The following SLC12A2 variants were observed in gnomAD, a reference collection of about 807,000 sequenced individuals.
SLC12A2 encodes the protein Na-K-2Cl cotransporter 1.
In SLC12A2, 67 loss-of-function variants were observed where a neutral mutation model predicts 136.3. That is an observed-to-expected ratio of 0.49 (90% confidence interval 0.40 to 0.60). The LOEUF (loss-of-function observed/expected upper bound fraction) is 0.60. Among genes scored for constraint, SLC12A2 ranks in the 20% least tolerant of loss-of-function variants. The probability of loss-of-function intolerance (pLI) is 0.00; values close to 1 mark genes in which losing one functional copy is unlikely to be tolerated. For synonymous variants in SLC12A2, 619 were observed against 562.9 expected (o/e 1.10, Z -1.41); for missense variants, 1,322 against 1,534.7 (o/e 0.86, Z 2.32).
In SLC12A2 at chr5:128,158,171, A is replaced by G. The variant is rs776041341; in HGVS notation, c.2475+7A>G. The G allele has an allele frequency of 1.9e-6, 3 of 1,588,144 alleles. No individual in the cohort carries two copies. Among genetic ancestry groups the G allele is most frequent in the Non-Finnish European group, 2.6e-6 (3 of 1,167,550 alleles). On this transcript the variant is annotated splice_region_variant and intron_variant, in intron 16 of 26. Transcript: ENST00000262461. ...CTGTGGCCATGTACATATGGTAAGTATCAATTTTGTTTTCTTTTTCAAGTT... is the reference window on the plus strand; with the variant it reads ...CTGTGGCCATGTACATATGGTAAGTGTCAATTTTGTTTTCTTTTTCAAGTT...
Position 128,141,898 on chromosome 5 carries a change from A to G in SLC12A2, c.1690A>G (p.Thr564Ala). The change falls in exon 10 of 27, where the codon ACT becomes GCT. Residue 564 changes from threonine (T) to alanine (A), a missense_variant. Transcript: ENST00000262461. ...TATCGTAACAGAGCTAACAAACTGT[A>G]CTTCTGCAGCCTGCAAATTAAACTT... ...DTIVTELTNCTSAACKLNFDF... is the reference protein window; with the variant it reads ...DTIVTELTNCASAACKLNFDF... The G allele has an allele frequency of 1.9e-6, 3 of 1,614,014 alleles. No homozygotes were observed. The highest frequency in any genetic ancestry group is 2.5e-6 in the Non-Finnish European group (3 of 1,179,914).
At position 128,184,360 on chromosome 5, in the gene SLC12A2, T is replaced by C; in HGVS notation, c.3300-6T>C. 6.7e-7 allele frequency: 1 copy of C among 1,493,712 alleles called. No homozygotes were observed. Among genetic ancestry groups the C allele is most frequent in the South Asian group, 1.3e-5 (1 of 76,658 alleles). The allele number at this position is 1,493,712 out of a possible 1,614,324, so 92.5% of individuals were successfully genotyped here. On this transcript the variant is annotated splice_region_variant and splice_polypyrimidine_tract_variant and intron_variant, in intron 24 of 26. Coordinates refer to ENST00000262461, the MANE Select transcript of SLC12A2 (RefSeq NM_001046.3). ...TAGTTGTCAGTATTCTTTCTGTTTT[T>C]TAAAGTATTATAGCTTTTGAGGAAA...
intron 17 of SLC12A2, among the ~76,000 whole-genome samples, chr5:128,162,803 A>G (rs1341968396): frequency 6.6e-6 from 1 of 152,224 alleles, no homozygotes; most frequent in East Asian, 1.9e-4. Context: ...CTGACCCAAA[A>G]TTAAGTCTGC....
chr5:128,084,534 G>T lies in SLC12A2; in HGVS notation c.580G>T (p.Gly194Trp). Residue 194 changes from glycine (G) to tryptophan (W), a missense_variant, in exon 1 of 27, where the codon GGG becomes TGG. Physicochemically the swap from Gly to Trp is radical, Grantham distance 184 (BLOSUM62 -2). Transcript: ENST00000262461. The surrounding 1 kb of genome is among the most constrained non-coding windows in gnomAD (Gnocchi z 5.6). ...GCACTCCGGCGGCGGCGGCGGCAGT[G>T]GGCACCACCAGCACTACTATTATGA... ...SLHSGGGGGS[G>W]HHQHYYYDTH... 6.2e-7 allele frequency: 1 copy of T among 1,613,608 alleles called. No individual in the cohort carries two copies. The highest frequency in any genetic ancestry group is 8.5e-7 in the Non-Finnish European group (1 of 1,179,978).
chr5:128,141,706 C>G (rs370708474), intron 9 of SLC12A2, 124 bp from the exon 10 acceptor site: 1 of 615,516 alleles, frequency 1.6e-6, no homozygotes, highest in Non-Finnish European at 2.5e-6. Flanking sequence ...GCAATGTATG[C>G]TATTATAAGG....
intron 17 of SLC12A2, among the ~76,000 whole-genome samples, chr5:128,166,707 T>A (rs927480896): frequency 2.6e-4 from 39 of 152,056 alleles, no homozygotes; most frequent in Admixed American, 3.3e-4. Flanking sequence ...TTTGGGGTGA[T>A]GAAAAATGTT....
chr5:128,129,423 T>A (rs902099037), intron 4 of SLC12A2, among the ~76,000 whole-genome samples: 42 of 151,996 alleles, frequency 2.8e-4, no homozygotes, highest in African/African-American at 9.9e-4. Flanking sequence ...GTGGAAAATT[T>A]TAAGTCATTT....
In SLC12A2 at chr5:128,187,801, T is replaced by A. The variant is rs2126764754; in HGVS notation, c.*1170T>A. The A allele has an allele frequency of 6.5e-6, 1 of 152,740 alleles. No individual in the cohort carries two copies. The highest frequency in any genetic ancestry group is 2.4e-5 in the African/African-American group (1 of 41,576). 9.5% of individuals were successfully genotyped at this position (152,740 alleles called of 1,614,324 possible). On this transcript the variant is annotated 3_prime_UTR_variant, in exon 27 of 27. Transcript: ENST00000262461. ...ACTTTTGTTAAGAAAAACTGCCAGT[T>A]TGTGCTTTTGAAATGTCTGTTTTGA...
intron 10 of SLC12A2, among the ~76,000 whole-genome samples, chr5:128,146,031 A>G (rs540135459): frequency 1.3e-5 from 2 of 152,060 alleles, no homozygotes; most frequent in African/African-American, 2.4e-5. Flanking sequence ...TGTTTTGACA[A>G]GTTTCACAGA....
Position 128,084,256 on chromosome 5 carries a change from C to T in SLC12A2, c.302C>T (p.Ala101Val), listed in dbSNP as rs749472667. 7.0e-5 allele frequency: 87 copies of T among 1,238,032 alleles called. No homozygotes were observed. The highest frequency in any genetic ancestry group is 5.6e-4 in the Middle Eastern group (2 of 3,600). 76.7% of individuals were successfully genotyped at this position (1,238,032 alleles called of 1,614,324 possible). The change falls in exon 1 of 27, where the codon GCG becomes GTG. Residue 101 changes from alanine (A) to valine (V), a missense_variant. By Grantham distance (64) the Ala-to-Val change is moderately conservative. Around this residue, in one of 8 missense-constraint regions of SLC12A2, gnomAD observed 358 missense variants for 299.7 expected, o/e 1.19. Coordinates refer to ENST00000262461, the MANE Select transcript of SLC12A2 (RefSeq NM_001046.3). This position sits in a 1 kb window ranked among gnomAD's most constrained non-coding sequence, Gnocchi z 5.6. ...GCCGCTGCTGCGGCGGCGGCGGCGG[C>T]GGCGGCAGCGGCGGCGGCTGGTGCT... ...GRAAAAAAAAAAAAAAAGAGA... is the reference protein window; with the variant it reads ...GRAAAAAAAAVAAAAAAGAGA...
intron 1 of SLC12A2, among the ~76,000 whole-genome samples, chr5:128,086,216 T>C (rs1760094652): frequency 6.6e-6 from 1 of 152,200 alleles, no homozygotes; most frequent in Non-Finnish European, 1.5e-5. Context: ...ATGTTGAGCT[T>C]ATATGCTTCC....
At chr5:128,132,067 CATTT>C (rs1433746722) in intron 5 of SLC12A2, among the ~76,000 whole-genome samples, 3 of 152,196 alleles carry the variant, frequency 2.0e-5, no homozygotes, top group Non-Finnish European at 4.4e-5. Flanking sequence ...AGCAGCAAGA[CATTT>C]AATACTAGAG....
rs752767193 is a variant in SLC12A2, at chr5:128,084,463, G to A, written c.509G>A (p.Ser170Asn). The change falls in exon 1 of 27, where the codon AGC becomes AAC. Residue 170 changes from serine to asparagine, a missense_variant. Ser to Asn is a conservative substitution (Grantham distance 46). This residue lies in a region of SLC12A2 where 358 missense variants were observed against 299.7 expected (regional missense o/e 1.19). Coordinates refer to ENST00000262461, the MANE Select transcript of SLC12A2 (RefSeq NM_001046.3). The surrounding 1 kb of genome is among the most constrained non-coding windows in gnomAD (Gnocchi z 5.6). ...AGVGVDGPNV[S>N]FQNGGDTVLS... is the part of the protein sequence containing the mutation. ...GTCGGAGTCGACGGGCCCAACGTGA[G>A]CTTCCAGAACGGCGGGGACACGGTG... 1.1e-5 allele frequency: 18 copies of A among 1,613,084 alleles called. No individual in the cohort carries two copies. Among genetic ancestry groups the A allele is most frequent in the South Asian group, 1.1e-5 (1 of 91,028 alleles).
At chr5:128,156,837 C>T (rs1762885560) in intron 15 of SLC12A2, among the ~76,000 whole-genome samples, 1 of 152,138 alleles carries the variant, frequency 6.6e-6, no homozygotes, top group Admixed American at 6.6e-5. Context: ...GGAGGCAGCA[C>T]AGCTTCCTTT....
At chr5:128,097,903 T>TA (rs1318677054) in intron 1 of SLC12A2, among the ~76,000 whole-genome samples, 2 of 152,136 alleles carry the variant, frequency 1.3e-5, no homozygotes, top group South Asian at 2.1e-4. Context: ...AGTTTTTTTT[T>TA]ATCTAAACAT....
chr5:128,186,380 T>C, intron 26 of SLC12A2, 116 bp from the exon 27 acceptor site: 1 of 1,001,224 alleles, frequency 1.0e-6, no homozygotes, highest in Non-Finnish European at 1.4e-6. Flanking sequence ...TATTCTGTAA[T>C]TATAGTAATT....
intron 1 of SLC12A2, among the ~76,000 whole-genome samples, chr5:128,102,275 A>G (rs1237149535): frequency 1.3e-5 from 2 of 152,158 alleles, no homozygotes; most frequent in Non-Finnish European, 2.9e-5. Flanking sequence ...TCAAGTGAAC[A>G]TCTGTGTAAT....
rs58399179 is a variant in SLC12A2 at position 128,188,921 on chromosome 5, CTTTTTTTTT to C, written c.*2300_*2308del. ...TTGAAATGTGCACAGGTACACTTAC[CTTTTTTTTT>C]TTTTTTTTTAAGTTTTTCCCATTCA... On this transcript the variant is annotated 3_prime_UTR_variant, in exon 27 of 27. Coordinates refer to ENST00000262461, the MANE Select transcript of SLC12A2 (RefSeq NM_001046.3). 1 of 128,502 alleles carries C rather than the reference CTTTTTTTTT, an allele frequency of 7.8e-6. No homozygotes were observed. The highest frequency in any genetic ancestry group is 7.9e-5 in the Admixed American group (1 of 12,662). The allele number at this position is 128,502 out of a possible 1,614,324, so 8.0% of individuals were successfully genotyped here.
chr5:128,127,098 A>G (rs1381153762), intron 4 of SLC12A2, among the ~76,000 whole-genome samples: 1 of 144,682 alleles, frequency 6.9e-6, no homozygotes, highest in Non-Finnish European at 1.5e-5. Context: ...GTATGATCAT[A>G]AGGAATATTG....
Sources: gnomAD v4.1 joint callset for allele counts (sites outside exome capture counted in the v4.1 genomes callset) on GRCh38, gnomAD v4.1.1 for gene constraint, gnomAD v4.1.1 regional missense constraint, Gnocchi (gnomAD v3.1) non-coding constraint, MANE v1.5 for transcripts, NCBI Gene and HGNC (gene_info 2026-07-23, HGNC 2026-07-21) for gene names.